MYT1: variants seen among roughly 807,000 people sequenced by gnomAD.
MYT1 encodes the protein myelin transcription factor I.
In MYT1, 23 loss-of-function variants were observed where a neutral mutation model predicts 123.0. The ratio of observed to expected loss-of-function variants is 0.19; its 90% confidence interval spans 0.13 to 0.26. The LOEUF is 0.26. Among genes scored for constraint, MYT1 ranks in the 10% least tolerant of loss-of-function variants. The probability of loss-of-function intolerance (pLI) is 1.00; values close to 1 mark genes in which losing one functional copy is unlikely to be tolerated. For missense variants in MYT1, 1,125 were observed against 1,472.5 expected, an observed-to-expected ratio of 0.76 and a Z score of 3.86; for synonymous variants, 518 against 575.3, an observed-to-expected ratio of 0.90 and a Z score of 1.43.
At chr20:64,199,979 A>T (rs1031047794) in intron 4 of MYT1, 57 bp downstream of exon 4, 6 of 1,594,898 alleles carry the variant, frequency 3.8e-6, no homozygotes, top group Non-Finnish European at 5.2e-6. Context: ...GACCCTGGAG[A>T]TATCCTAAAT....
rs572150841 is a variant in MYT1 at position 64,213,752 on chromosome 20, T to C, written c.1631+105T>C. 9.2e-4 allele frequency: 847 copies of C among 923,320 alleles called. 19 individuals are homozygous for C. In the South Asian group the frequency reaches 0.012, roughly 13 times the overall value. 57.2% of individuals were successfully genotyped at this position (923,320 alleles called of 1,614,324 possible). ...ATGTGCATGTGTGTGAGTGCATGTGTGTGAGTGTACGTGCATGTGAGTGTA... is the reference window on the plus strand; with the variant it reads ...ATGTGCATGTGTGTGAGTGCATGTGCGTGAGTGTACGTGCATGTGAGTGTA... On this transcript the variant is annotated intron_variant, in intron 10 of 22. Coordinates refer to ENST00000328439, the MANE Select transcript of MYT1 (RefSeq NM_004535.3). This position sits in a 1 kb window ranked among gnomAD's most constrained non-coding sequence, Gnocchi z 5.6.
At chr20:64,165,195 T>G (rs751399937) in intron 1 of MYT1, among the ~76,000 whole-genome samples, 8 of 152,008 alleles carry the variant, frequency 5.3e-5, no homozygotes, top group Non-Finnish European at 7.4e-5. Context: ...GGGTGTGTCA[T>G]GTGTGACCCC....
In MYT1 at chr20:64,240,180, G is replaced by A; in HGVS notation, c.3238-140G>A. Reference sequence around the variant, plus strand: ...GCTACTGCTGGGATGGCTGCAGAGAGGAACGCCCAGTGCTGCCTCTGGTTG... The same window carrying A: ...GCTACTGCTGGGATGGCTGCAGAGAAGAACGCCCAGTGCTGCCTCTGGTTG... On this transcript the variant is annotated intron_variant, in intron 22 of 22. Transcript: ENST00000328439. The A allele has an allele frequency of 1.8e-5, 22 of 1,251,854 alleles. No individual in the cohort carries two copies. In the South Asian group the frequency reaches 3.1e-4, roughly 18 times the overall value. The allele number at this position is 1,251,854 out of a possible 1,614,324, so 77.5% of individuals were successfully genotyped here.
At chr20:64,220,667 G>A (rs537720856) in intron 13 of MYT1, among the ~76,000 whole-genome samples, 13 of 152,378 alleles carry the variant, frequency 8.5e-5, no homozygotes, top group African/African-American at 2.9e-4. Flanking sequence ...CAGCAGCCGC[G>A]TGTGTGAGAC....
At position 64,184,224 on chromosome 20, in the gene MYT1, T is replaced by C. The variant is rs148191982; in HGVS notation, c.-98-5839T>C. 1.1e-4 allele frequency among the ~76,000 whole-genome samples: 17 copies of C among 152,274 alleles called. No individual in the cohort carries two copies. The East Asian group carries it at 3.3e-3, about 29-fold the overall frequency. ...TGTTGTTGTCATAGCTAAGAAACCA[T>C]TGCTGAACCCAGAGTCGGAAAGATT... On this transcript the variant is annotated intron_variant, in intron 1 of 22. Coordinates refer to ENST00000328439, the MANE Select transcript of MYT1 (RefSeq NM_004535.3).
intron 6 of MYT1, among the ~76,000 whole-genome samples, 165 bp downstream of exon 6, chr20:64,205,965 G>A (rs1286641074): frequency 6.6e-6 from 1 of 152,230 alleles, no homozygotes; most frequent in Non-Finnish European, 1.5e-5. Context: ...AGAGAGGTCT[G>A]CCCATGGTGT....
rs1568708009 is a variant in MYT1, at chr20:64,201,900, TGTGTCGGGAACCC to T, written c.86+1979_86+1991del. Among the ~76,000 whole-genome samples the T allele has an allele frequency of 6.9e-3, 796 of 115,262 alleles. 24 individuals are homozygous for T. The highest frequency in any genetic ancestry group is 0.023 in the African/African-American group (743 of 32,866). The allele number at this position is 115,262 out of a possible 152,430, so 75.6% of individuals were successfully genotyped here. A position where few individuals can be genotyped will look rare whatever the true frequency, so the allele number is the denominator to read the frequency against. On this transcript the variant is annotated intron_variant, in intron 4 of 22. Coordinates refer to ENST00000328439, the MANE Select transcript of MYT1 (RefSeq NM_004535.3). ...CAGAGTCACCTGTCGGGAACCCCCG[TGTGTCGGGAACCC>T]CCGCGTGTCGGGAACCCCCGCGTGT... is the stretch of plus-strand genomic sequence containing the variant.
chr20:64,234,522 A>G (rs749796535), intron 19 of MYT1, among the ~76,000 whole-genome samples: 9 of 152,192 alleles, frequency 5.9e-5, no homozygotes, highest in Non-Finnish European at 1.0e-4. Context: ...CAGTTTGGCC[A>G]TAGGGAGGCC....
chr20:64,236,199 G>A (rs1212866640), intron 19 of MYT1, among the ~76,000 whole-genome samples: 1 of 137,684 alleles, frequency 7.3e-6, no homozygotes, highest in African/African-American at 2.8e-5. Flanking sequence ...TGGCCGTGGT[G>A]GGTGACCCTG....
Position 64,186,861 on chromosome 20 carries a change from T to C in MYT1, c.-98-3202T>C, listed in dbSNP as rs1220588540. ...TGGAGAGTTTCCTGTAGCACGTGGC[T>C]CCGGCATCCACGTTTCCGTGGAGAC... On this transcript the variant is annotated intron_variant, in intron 1 of 22. Transcript: ENST00000328439. The surrounding 1 kb of genome is among the most constrained non-coding windows in gnomAD (Gnocchi z 4.3). Among the ~76,000 whole-genome samples the C allele has an allele frequency of 7.2e-4, 88 of 122,098 alleles. No homozygotes were observed. The highest frequency in any genetic ancestry group is 2.4e-3 in the African/African-American group (75 of 30,908). 80.1% of individuals were successfully genotyped at this position (122,098 alleles called of 152,430 possible).
rs978070028 is a variant in MYT1, at chr20:64,203,215, C to T, written c.87-1820C>T. Among the ~76,000 whole-genome samples the T allele has an allele frequency of 6.6e-6, 1 of 152,216 alleles. No homozygotes were observed. The highest frequency in any genetic ancestry group is 2.4e-5 in the African/African-American group (1 of 41,454). On this transcript the variant is annotated intron_variant, in intron 4 of 22. Transcript: ENST00000328439. The surrounding 1 kb of genome is among the most constrained non-coding windows in gnomAD (Gnocchi z 5.1). ...CAGGACTCTTCTGAGCTGAGGGTGA[C>T]GTGTTCAGGGCAGTCCGGTCCCCAC... is the stretch of plus-strand genomic sequence containing the variant.
At chr20:64,224,919 C>A (rs537259494) in intron 16 of MYT1, among the ~76,000 whole-genome samples, 1 of 152,160 alleles carries the variant, frequency 6.6e-6, no homozygotes, top group African/African-American at 2.4e-5. Context: ...TGGCACAGTT[C>A]GGGCCTGGAG....
intron 16 of MYT1, among the ~76,000 whole-genome samples, chr20:64,223,881 C>T (rs1324920517): frequency 6.6e-6 from 1 of 152,232 alleles, no homozygotes; most frequent in African/African-American, 2.4e-5. Context: ...GCCCTCCCCC[C>T]ATGCTCATGC....
intron 1 of MYT1, among the ~76,000 whole-genome samples, chr20:64,188,608 G>A (rs939113969): frequency 3.3e-5 from 5 of 152,146 alleles, no homozygotes; most frequent in African/African-American, 1.2e-4. Context: ...ATTCACTTAC[G>A]GAATCTTCCA....
At chr20:64,209,193 T>C (rs1157344114) in intron 7 of MYT1, among the ~76,000 whole-genome samples, 1 of 151,932 alleles carries the variant, frequency 6.6e-6, no homozygotes, top group East Asian at 1.9e-4. Context: ...TGAGGACGAA[T>C]CCTGAGTAAA....
Position 64,185,389 on chromosome 20 carries a change from CTTTGCTGAGGGGCAG to C in MYT1, c.-98-4673_-98-4659del, listed in dbSNP as rs954997156. ...CCTCTCAAGTGACTACCCTTCCCCT[CTTTGCTGAGGGGCAG>C]GTGGTAACAGCTCCTGGCCCCAAAG... On this transcript the variant is annotated intron_variant, in intron 1 of 22. Coordinates refer to ENST00000328439, the MANE Select transcript of MYT1 (RefSeq NM_004535.3). The surrounding 1 kb of genome is among the most constrained non-coding windows in gnomAD (Gnocchi z 4.5). 6.6e-6 allele frequency among the ~76,000 whole-genome samples: 1 copy of C among 152,188 alleles called. No homozygotes were observed. The highest frequency in any genetic ancestry group is 6.5e-5 in the Admixed American group (1 of 15,278).
intron 1 of MYT1, among the ~76,000 whole-genome samples, chr20:64,182,398 C>A (rs1426268933): frequency 1.3e-5 from 2 of 152,246 alleles, no homozygotes; most frequent in Non-Finnish European, 2.9e-5. Flanking sequence ...GTGGGATTGG[C>A]CCTGGCCATC....
intron 14 of MYT1, 21 bp downstream of exon 14, chr20:64,222,068 C>T: frequency 1.2e-6 from 2 of 1,611,700 alleles, no homozygotes; most frequent in Non-Finnish European, 1.7e-6. Context: ...GTTTGGCTGG[C>T]ACAGCTCCTA....
Position 64,223,102 on chromosome 20 carries a change from T to G in MYT1, c.2397-9T>G, listed in dbSNP as rs1163573693. On this transcript the variant is annotated splice_polypyrimidine_tract_variant and intron_variant, in intron 14 of 22. Coordinates refer to ENST00000328439, the MANE Select transcript of MYT1 (RefSeq NM_004535.3). ...CTCTCCGGTCTGACACTCTTTTTCC[T>G]TTGTCCAGCTGTCCCACCCCTGGCT... 1 of 1,614,042 alleles carries G rather than the reference T, an allele frequency of 6.2e-7. No homozygotes were observed. The highest frequency in any genetic ancestry group is 8.5e-7 in the Non-Finnish European group (1 of 1,180,020).
Sources: gnomAD v4.1 joint callset for allele counts (sites outside exome capture counted in the v4.1 genomes callset) on GRCh38, gnomAD v4.1.1 for gene constraint, Gnocchi (gnomAD v3.1) non-coding constraint, MANE v1.5 for transcripts, NCBI Gene and HGNC (gene_info 2026-07-23, HGNC 2026-07-21) for gene names.